The following FGF12 variants were observed in gnomAD, a reference collection of about 807,000 sequenced individuals.
FGF12 encodes fibroblast growth factor 12, also known as fibroblast growth factor 12B.
A neutral mutation model predicts 23.6 loss-of-function variants in FGF12; 14 were observed. The ratio of observed to expected loss-of-function variants is 0.59; its 90% CI spans 0.39 to 0.93. The LOEUF is 0.93. FGF12 is among the 40% of genes least tolerant of loss of function. The pLI is 0.00. For synonymous variants in FGF12, 62 were observed against 77.3 expected (o/e 0.80, Z 1.04); for missense variants, 175 against 217.8 (o/e 0.80, Z 1.24).
At chr3:192,378,026 T>TTTTCTTTCTTTCTTTC (rs202170804) in intron 2 of FGF12, among the ~76,000 whole-genome samples, 1,201 of 69,278 alleles carry the variant, frequency 0.017, 48 homozygotes, top group Middle Eastern at 0.035. Context: ...TGACTCTTTC[T>TTTTCTTTCTTTCTTTC]TTTCTTTCTT....
At chr3:192,643,995 G>T (rs1202073601) in intron 2 of FGF12, among the ~76,000 whole-genome samples, 1 of 152,096 alleles carries the variant, frequency 6.6e-6, no homozygotes, top group Non-Finnish European at 1.5e-5. Context: ...AAAACCTAAA[G>T]GACCTTCTAG....
intron 2 of FGF12, among the ~76,000 whole-genome samples, chr3:192,485,762 T>A (rs1723615943): frequency 6.6e-6 from 1 of 152,120 alleles, no homozygotes; most frequent in South Asian, 2.1e-4. Flanking sequence ...GTGAACAGAT[T>A]CTCTGTATAA....
Position 192,408,633 on chromosome 3 carries a change from T to C in FGF12, c.14-48095A>G, listed in dbSNP as rs1721068002. ...CCCAAAATAACAAGACGTGCCTCTG[T>C]TGGAGAGGCGCAAGCGTTGTAAGGT... is the stretch of plus-strand genomic sequence containing the variant. On this transcript the variant is annotated intron_variant, in intron 2 of 5. Coordinates refer to ENST00000445105, the MANE Select transcript of FGF12 (RefSeq NM_004113.6). The surrounding 1 kb of genome is among the most constrained non-coding windows in gnomAD (Gnocchi z 7.3). 10 of 1,044,046 alleles carry C rather than the reference T, an allele frequency of 9.6e-6. No homozygotes were observed. Among genetic ancestry groups the C allele is most frequent in the Non-Finnish European group, 1.2e-5 (10 of 866,648 alleles). 64.7% of individuals were successfully genotyped at this position (1,044,046 alleles called of 1,614,324 possible).
At chr3:192,653,613 A>G (rs2886785) in intron 2 of FGF12, among the ~76,000 whole-genome samples, 86,744 of 152,040 alleles carry the variant, frequency 0.57, 25,163 homozygotes, top group East Asian at 0.67. Flanking sequence ...TGTCCTGTAT[A>G]AAAACCTTGA....
intron 2 of FGF12, among the ~76,000 whole-genome samples, chr3:192,615,330 T>C (rs547326734): frequency 7.9e-5 from 12 of 152,168 alleles, no homozygotes; most frequent in Non-Finnish European, 1.6e-4. Context: ...TTCTCTATAA[T>C]TATAGAATTA....
At chr3:192,173,450 C>G (rs1715683667) in intron 4 of FGF12, among the ~76,000 whole-genome samples, 1 of 139,560 alleles carries the variant, frequency 7.2e-6, no homozygotes, top group Non-Finnish European at 1.6e-5. Context: ...ATTGCCAGGA[C>G]AGAGTTTAGT....
chr3:192,504,208 G>A (rs1422329910), intron 2 of FGF12, among the ~76,000 whole-genome samples: 1 of 152,042 alleles, frequency 6.6e-6, no homozygotes, highest in Non-Finnish European at 1.5e-5. Flanking sequence ...GGTGTGGGGA[G>A]GGTGAAGACC....
intron 2 of FGF12, among the ~76,000 whole-genome samples, chr3:192,676,467 G>C (rs2108701548): frequency 6.6e-6 from 1 of 152,294 alleles, no homozygotes; most frequent in East Asian, 1.9e-4. Context: ...TTCCTGTTTT[G>C]TGGTCCACAG....
At chr3:192,593,743 A>G (rs1337250189) in intron 2 of FGF12, among the ~76,000 whole-genome samples, 4 of 151,972 alleles carry the variant, frequency 2.6e-5, no homozygotes, top group East Asian at 3.8e-4. Flanking sequence ...TCATTTTTCA[A>G]TTCAAAGCTA....
At chr3:192,344,114 A>C (rs1215874364) in intron 3 of FGF12, among the ~76,000 whole-genome samples, 2 of 152,194 alleles carry the variant, frequency 1.3e-5, no homozygotes, top group African/African-American at 4.8e-5. Flanking sequence ...GGCATAAATG[A>C]GTTAACCACT....
At chr3:192,590,710 A>T (rs147066173) in intron 2 of FGF12, among the ~76,000 whole-genome samples, 24 of 152,038 alleles carry the variant, frequency 1.6e-4, no homozygotes, top group African/African-American at 5.3e-4. Context: ...TGTACCACAC[A>T]TCTAGCAGAT....
chr3:192,596,098 A>ATAATATAATG (rs141301396), intron 2 of FGF12, among the ~76,000 whole-genome samples: 5 of 135,412 alleles, frequency 3.7e-5, no homozygotes, highest in South Asian at 2.3e-4. Flanking sequence ...ACTCAAAAAT[A>ATAATATAATG]TAATATAATA....
At chr3:192,180,630 AG>A (rs557160314) in intron 4 of FGF12, among the ~76,000 whole-genome samples, 376 of 152,328 alleles carry the variant, frequency 2.5e-3, no homozygotes, top group African/African-American at 8.7e-3. Context: ...ATACACTAAA[AG>A]GTACGAGAAA....
rs1288055353 is a variant in FGF12, at chr3:192,167,742, T to TATATAC, written c.427+2715_427+2716insGTATAT. Among the ~76,000 whole-genome samples the TATATAC allele has an allele frequency of 2.4e-3, 55 of 22,704 alleles. 1 individual carries two copies. The highest frequency in any genetic ancestry group is 3.8e-3 in the Non-Finnish European group (47 of 12,318). The allele number at this position is 22,704 out of a possible 152,430, so 14.9% of individuals were successfully genotyped here. A position where few individuals can be genotyped will look rare whatever the true frequency, so the allele number is the denominator to read the frequency against. ...AGGGTAGGTTATAGGTATATATATA[T>TATATAC]ATATATATATATATATATATATATA... On this transcript the variant is annotated intron_variant, in intron 5 of 5. Coordinates refer to ENST00000445105, the MANE Select transcript of FGF12 (RefSeq NM_004113.6).
chr3:192,605,100 C>A (rs948362119), intron 2 of FGF12, among the ~76,000 whole-genome samples: 1 of 152,094 alleles, frequency 6.6e-6, no homozygotes, highest in East Asian at 1.9e-4. Flanking sequence ...AGAAGAGGGT[C>A]AGGGGCAGTG....
At chr3:192,387,680 C>T (rs1469438406) in intron 2 of FGF12, among the ~76,000 whole-genome samples, 1 of 149,482 alleles carries the variant, frequency 6.7e-6, no homozygotes. Flanking sequence ...AACCCCATCT[C>T]TACAAAAAAA....
intron 3 of FGF12, among the ~76,000 whole-genome samples, chr3:192,346,819 G>A (rs1717987973): frequency 6.6e-6 from 1 of 152,096 alleles, no homozygotes; most frequent in African/African-American, 2.4e-5. Flanking sequence ...TTCAGCCATT[G>A]ATTTGTCATT....
At chr3:192,687,986 C>T (rs1182781295) in intron 2 of FGF12, among the ~76,000 whole-genome samples, 1 of 152,168 alleles carries the variant, frequency 6.6e-6, no homozygotes, top group African/African-American at 2.4e-5. Flanking sequence ...CAGCCAGCAA[C>T]TGACCTTGGC....
chr3:192,684,266 T>TA (rs1381521967), intron 2 of FGF12, among the ~76,000 whole-genome samples: 4 of 152,156 alleles, frequency 2.6e-5, no homozygotes, highest in African/African-American at 9.7e-5. Context: ...CTGCCTGTGT[T>TA]AACGGGGTTA....
Sources: allele counts gnomAD v4.1 joint callset (sites outside exome capture counted in the v4.1 genomes callset), GRCh38; gene constraint gnomAD v4.1.1; non-coding constraint Gnocchi (gnomAD v3.1); transcripts MANE v1.5; gene names NCBI Gene and HGNC (gene_info 2026-07-23, HGNC 2026-07-21).